The following CHN1 variants were observed in gnomAD, a reference collection of about 807,000 sequenced individuals.
CHN1 encodes chimerin 1, also known as N-chimaerin.
In CHN1, 37 loss-of-function variants were observed where a neutral mutation model predicts 59.5. The observed-to-expected ratio is 0.62, with a 90% CI of 0.48 to 0.82. The LOEUF is 0.82. CHN1 is among the 40% of genes least tolerant of loss of function. The pLI is 0.00. For synonymous variants in CHN1, 206 were observed against 200.4 expected, an observed-to-expected ratio of 1.03 and a Z score of -0.24; for missense variants, 469 against 571.0, an observed-to-expected ratio of 0.82 and a Z score of 1.82.
chr2:174,970,529 C>T (rs1275799736), intron 1 of CHN1, among the ~76,000 whole-genome samples: 1 of 152,132 alleles, frequency 6.6e-6, no homozygotes, highest in Non-Finnish European at 1.5e-5. Flanking sequence ...AGATTTTTCC[C>T]ATGAGATCGA....
intron 5 of CHN1, among the ~76,000 whole-genome samples, chr2:174,901,346 C>T (rs971093518): frequency 6.6e-6 from 1 of 152,196 alleles, no homozygotes; most frequent in African/African-American, 2.4e-5. Context: ...TGCCCTCTCA[C>T]TCACTCTCTT....
At chr2:175,004,848 G>C (rs1474255181) in intron 1 of CHN1, 46 bp downstream of exon 1, 1 of 1,288,262 alleles carries the variant, frequency 7.8e-7, no homozygotes, top group East Asian at 3.4e-5. Flanking sequence ...CCCGAGCCCC[G>C]GGACGCGGCC....
intron 12 of CHN1, among the ~76,000 whole-genome samples, 194 bp from the exon 13 acceptor site, chr2:174,800,481 TGTG>T (rs748758478): frequency 2.4e-4 from 36 of 152,228 alleles, no homozygotes; most frequent in Non-Finnish European, 4.9e-4. Flanking sequence ...AATTTAAACT[TGTG>T]GTAATCACTG....
At chr2:174,948,440 C>T (rs575981137) in intron 2 of CHN1, among the ~76,000 whole-genome samples, 1 of 152,208 alleles carries the variant, frequency 6.6e-6, no homozygotes, top group African/African-American at 2.4e-5. Context: ...TACTGAAAAG[C>T]GACAAAACCG....
At chr2:174,868,918 A>G (rs1206525083) in intron 6 of CHN1, among the ~76,000 whole-genome samples, 5 of 152,204 alleles carry the variant, frequency 3.3e-5, no homozygotes, top group Non-Finnish European at 5.9e-5. Flanking sequence ...CAGAAATGAT[A>G]GTTTTTCTCA....
intron 1 of CHN1, among the ~76,000 whole-genome samples, chr2:174,966,606 T>C (rs879272548): frequency 1.3e-5 from 2 of 152,164 alleles, no homozygotes; most frequent in Non-Finnish European, 2.9e-5. Context: ...ACAAAGTCCT[T>C]CTGCTTACTC....
chr2:174,998,018 T>C (rs1447684744), intron 1 of CHN1, among the ~76,000 whole-genome samples: 1 of 129,910 alleles, frequency 7.7e-6, no homozygotes, highest in East Asian at 2.3e-4. Flanking sequence ...AGATACAAGA[T>C]AGGGCCGGGC....
intron 6 of CHN1, among the ~76,000 whole-genome samples, chr2:174,861,030 A>C (rs984401893): frequency 1.3e-5 from 2 of 152,280 alleles, no homozygotes; most frequent in South Asian, 4.1e-4. Context: ...TAAAGCATTT[A>C]AAAAATTAAA....
At chr2:174,807,446 CTGTGTGTGTGTGTGT>C (rs1684923998) in intron 11 of CHN1, among the ~76,000 whole-genome samples, 2 of 83,774 alleles carry the variant, frequency 2.4e-5, no homozygotes, top group Non-Finnish European at 4.8e-5. Flanking sequence ...CACGGGCTAT[CTGTGTGTGTGTGTGT>C]GTGTGTGTGT....
rs111997389 is a variant in CHN1 at position 174,900,904 on chromosome 2, A to G, written c.260+14154T>C. Among the ~76,000 whole-genome samples, 702 of 152,326 alleles carry G rather than the reference A, an allele frequency of 4.6e-3. 9 individuals carry two copies. Among genetic ancestry groups the G allele is most frequent in the African/African-American group, 0.016 (670 of 41,574 alleles). ...TTATAAAATAAAATTTTCACTTAGA[A>G]AAAGATTCACTGAAGTGTAACCAGG... On this transcript the variant is annotated intron_variant, in intron 5 of 12. Coordinates refer to ENST00000409900, the MANE Select transcript of CHN1 (RefSeq NM_001822.7).
At chr2:174,859,077 G>A (rs926680128) in intron 6 of CHN1, among the ~76,000 whole-genome samples, 1 of 150,772 alleles carries the variant, frequency 6.6e-6, no homozygotes, top group Non-Finnish European at 1.5e-5. Context: ...AGGTTGATAA[G>A]CTCAAATGTT....
chr2:174,932,530 T>A (rs1211545222), intron 3 of CHN1, among the ~76,000 whole-genome samples: 2 of 152,200 alleles, frequency 1.3e-5, no homozygotes, highest in African/African-American at 2.4e-5. Context: ...TTTCCACAGT[T>A]CATCCTTGCT....
At chr2:174,844,322 G>C (rs1481809951) in intron 7 of CHN1, among the ~76,000 whole-genome samples, 1 of 152,144 alleles carries the variant, frequency 6.6e-6, no homozygotes, top group Non-Finnish European at 1.5e-5. Context: ...GTTAGGTCCA[G>C]TTGGTTTATT....
At chr2:174,918,467 C>A in intron 4 of CHN1, 67 bp downstream of exon 4, 1 of 1,154,918 alleles carries the variant, frequency 8.7e-7, no homozygotes, top group South Asian at 2.1e-5. Context: ...CATTTAAAAG[C>A]ATCCATTTAC....
intron 2 of CHN1, among the ~76,000 whole-genome samples, chr2:174,947,324 A>G (rs909094271): frequency 1.3e-5 from 2 of 152,170 alleles, no homozygotes; most frequent in African/African-American, 4.8e-5. Context: ...CTTAACATTA[A>G]GTCACATAAG....
At chr2:174,818,961 G>A (rs1222646960) in intron 8 of CHN1, among the ~76,000 whole-genome samples, 1 of 152,038 alleles carries the variant, frequency 6.6e-6, no homozygotes, top group Non-Finnish European at 1.5e-5. Context: ...TATTCTCTCT[G>A]AATGTTCATA....
chr2:174,902,651 A>T (rs962744106), intron 5 of CHN1, among the ~76,000 whole-genome samples: 7 of 152,200 alleles, frequency 4.6e-5, no homozygotes, highest in Non-Finnish European at 8.8e-5. Flanking sequence ...CAGGAAATGG[A>T]ATGAAACCAT....
At chr2:174,952,135 A>T in intron 2 of CHN1, 29 bp downstream of exon 2, 1 of 1,337,434 alleles carries the variant, frequency 7.5e-7, no homozygotes, top group Non-Finnish European at 9.9e-7. Flanking sequence ...ATAAAGCACT[A>T]TAACCCACAC....
At chr2:174,902,430 A>G (rs1412090693) in intron 5 of CHN1, among the ~76,000 whole-genome samples, 5 of 152,184 alleles carry the variant, frequency 3.3e-5, no homozygotes, top group Non-Finnish European at 7.4e-5. Flanking sequence ...TATATTTTAA[A>G]TAAATTGTGC....
Sources: allele counts gnomAD v4.1 joint callset (sites outside exome capture counted in the v4.1 genomes callset), GRCh38; gene constraint gnomAD v4.1.1; transcripts MANE v1.5; gene names NCBI Gene and HGNC (gene_info 2026-07-23, HGNC 2026-07-21).